The following PTPRD variants were observed in gnomAD, a reference collection of about 807,000 sequenced individuals.
PTPRD encodes the protein protein tyrosine phosphatase receptor type D.
A neutral mutation model predicts 214.5 loss-of-function variants in PTPRD; 34 were observed. That is an observed-to-expected ratio of 0.16 (90% CI 0.12 to 0.21). The LOEUF (loss-of-function observed/expected upper bound fraction) is 0.21, where lower values mean the gene tolerates loss of function less well. PTPRD is among the 10% of genes least tolerant of loss of function. The probability of loss-of-function intolerance (pLI) is 1.00; values close to 1 mark genes in which losing one functional copy is unlikely to be tolerated. For missense variants in PTPRD, 2,545 were observed against 2,398.7 expected (o/e 1.06, Z -1.27); for synonymous variants, 1,128 against 845.7 (o/e 1.33, Z -5.79).
At chr9:9,509,871 G>C (rs565396591) in intron 8 of PTPRD, among the ~76,000 whole-genome samples, 1 of 151,252 alleles carries the variant, frequency 6.6e-6, no homozygotes, top group South Asian at 2.1e-4. Flanking sequence ...TGCCTATTTG[G>C]CCTTAGCTCT....
At chr9:10,486,672 C>G (rs1299371161) in intron 2 of PTPRD, among the ~76,000 whole-genome samples, 1 of 152,090 alleles carries the variant, frequency 6.6e-6, no homozygotes, top group Non-Finnish European at 1.5e-5. Flanking sequence ...GAGAAGATGC[C>G]TGATATTATT....
Position 10,508,473 on chromosome 9 carries a change from G to A in PTPRD, c.-600+103925C>T, listed in dbSNP as rs112633036. 7.3e-4 allele frequency among the ~76,000 whole-genome samples: 111 copies of A among 152,270 alleles called. 1 individual carries two copies. Among genetic ancestry groups the A allele is most frequent in the African/African-American group, 2.4e-3 (98 of 41,558 alleles). Reference sequence around the variant, plus strand: ...ATATACCCAAAGGATTATAAATCATGCTGCTATGAAGACACATGCACACGT... The same window carrying A: ...ATATACCCAAAGGATTATAAATCATACTGCTATGAAGACACATGCACACGT... On this transcript the variant is annotated intron_variant, in intron 2 of 45. Transcript: ENST00000381196.
intron 6 of PTPRD, among the ~76,000 whole-genome samples, chr9:9,763,883 T>G (rs142365372): frequency 5.3e-5 from 8 of 152,322 alleles, no homozygotes; most frequent in Non-Finnish European, 8.8e-5. Context: ...TGAAATATTA[T>G]GCATTCTTGA....
At chr9:10,041,148 A>C (rs1181405343) in intron 3 of PTPRD, among the ~76,000 whole-genome samples, 1 of 152,086 alleles carries the variant, frequency 6.6e-6, no homozygotes, top group Non-Finnish European at 1.5e-5. Context: ...TGCAGTAGTG[A>C]AAGAAAACAG....
In PTPRD at chr9:9,343,723, CT is replaced by C. The variant is rs897829359; in HGVS notation, c.-203+53725del. On this transcript the variant is annotated intron_variant, in intron 9 of 45. Coordinates refer to ENST00000381196, the MANE Select transcript of PTPRD (RefSeq NM_002839.4). ...CGAAAATCACAAACAGGAGGGAACC[CT>C]TTTTTTTTTTGAGGACTTCAGGTCT... 3.6e-3 allele frequency among the ~76,000 whole-genome samples: 519 copies of C among 145,664 alleles called. 2 individuals are homozygous for C. The highest frequency in any genetic ancestry group is 0.014 in the East Asian group (69 of 4,994).
rs530980395 is a variant in PTPRD at position 8,762,266 on chromosome 9, G to A, written c.-103-28320C>T. On this transcript the variant is annotated intron_variant, in intron 11 of 45. Coordinates refer to ENST00000381196, the MANE Select transcript of PTPRD (RefSeq NM_002839.4). Reference sequence around the variant, plus strand: ...AGAGATCAAGTTTGAACATCAAAACGAGATTGACTTTTGGGAATTTGTTTG... The same window carrying A: ...AGAGATCAAGTTTGAACATCAAAACAAGATTGACTTTTGGGAATTTGTTTG... 1.3e-4 allele frequency among the ~76,000 whole-genome samples: 20 copies of A among 152,186 alleles called. No individual in the cohort carries two copies. The East Asian group carries it at 1.4e-3, about 10-fold the overall frequency.
chr9:8,574,657 A>G (rs1211335265), intron 14 of PTPRD, among the ~76,000 whole-genome samples: 2 of 152,152 alleles, frequency 1.3e-5, no homozygotes, highest in African/African-American at 4.8e-5. Flanking sequence ...TTACTTTTAA[A>G]GTTCAAGGCA....
intron 12 of PTPRD, chr9:8,700,543 T>G (rs575994235): frequency 2.0e-5 from 3 of 152,298 alleles, no homozygotes; most frequent in African/African-American, 4.8e-5. Flanking sequence ...GTGAGAAAAA[T>G]AATACGTTGT....
At chr9:9,011,816 G>C (rs1430024582) in intron 11 of PTPRD, among the ~76,000 whole-genome samples, 1 of 152,156 alleles carries the variant, frequency 6.6e-6, no homozygotes, top group Non-Finnish European at 1.5e-5. Context: ...TGGTTCTTTT[G>C]ATGGTATCTG....
intron 4 of PTPRD, among the ~76,000 whole-genome samples, chr9:10,006,060 CA>C (rs1244615430): frequency 6.6e-5 from 10 of 151,896 alleles, no homozygotes; most frequent in African/African-American, 2.4e-4. Context: ...TGGTATTATA[CA>C]AAAAATGAGA....
intron 8 of PTPRD, among the ~76,000 whole-genome samples, chr9:9,562,503 C>T (rs998443514): frequency 6.6e-6 from 1 of 152,128 alleles, no homozygotes; most frequent in Non-Finnish European, 1.5e-5. Context: ...AGTGTTAAAG[C>T]CAAAGCTCTA....
At chr9:9,494,141 T>G (rs771982962) in intron 8 of PTPRD, among the ~76,000 whole-genome samples, 9 of 152,152 alleles carry the variant, frequency 5.9e-5, no homozygotes, top group African/African-American at 9.7e-5. Context: ...ATGATAAAAC[T>G]TGAATACATG....
In PTPRD at chr9:8,365,793, G is replaced by C. The variant is rs771011911; in HGVS notation, c.4661+10143C>G. Reference sequence around the variant, plus strand: ...CCCTTTGATGTCCTCAGAACCCTGAGCCCACTGGACCAGGATGAAAAGCCT... The same window carrying C: ...CCCTTTGATGTCCTCAGAACCCTGACCCCACTGGACCAGGATGAAAAGCCT... On this transcript the variant is annotated intron_variant, in intron 39 of 45. Transcript: ENST00000381196. Among the ~76,000 whole-genome samples the C allele has an allele frequency of 3.7e-4, 57 of 152,150 alleles. 1 individual carries two copies. Among genetic ancestry groups the C allele is most frequent in the Non-Finnish European group, 1.3e-4 (9 of 68,040 alleles).
At chr9:8,796,455 A>T (rs1260913950) in intron 11 of PTPRD, among the ~76,000 whole-genome samples, 1 of 152,180 alleles carries the variant, frequency 6.6e-6, no homozygotes, top group African/African-American at 2.4e-5. Context: ...AGCTCAGAGT[A>T]AGTGAGTATT....
chr9:9,451,296 T>A (rs1215412083), intron 8 of PTPRD, among the ~76,000 whole-genome samples: 1 of 151,740 alleles, frequency 6.6e-6, no homozygotes, highest in Non-Finnish European at 1.5e-5. Flanking sequence ...AACACAAGGC[T>A]ATAGGAAAAC....
In PTPRD at chr9:10,503,887, T is replaced by C. The variant is rs536506215; in HGVS notation, c.-600+108511A>G. ...ATCCCAGCACTTTGGGAGGCCGAGG[T>C]GGGCGGATCATAAGGTCAGGAGATC... On this transcript the variant is annotated intron_variant, in intron 2 of 45. Coordinates refer to ENST00000381196, the MANE Select transcript of PTPRD (RefSeq NM_002839.4). Among the ~76,000 whole-genome samples the C allele has an allele frequency of 1.3e-4, 20 of 151,080 alleles. No homozygotes were observed. The South Asian group carries it at 4.0e-3, about 30-fold the overall frequency.
intron 2 of PTPRD, among the ~76,000 whole-genome samples, chr9:10,454,648 T>C (rs1278797801): frequency 6.6e-6 from 1 of 151,802 alleles, no homozygotes; most frequent in Non-Finnish European, 1.5e-5. Context: ...CATCAGAATG[T>C]GTTCATCCTG....
At chr9:9,966,746 T>G (rs1405152541) in intron 4 of PTPRD, among the ~76,000 whole-genome samples, 1 of 152,100 alleles carries the variant, frequency 6.6e-6, no homozygotes, top group African/African-American at 2.4e-5. Context: ...TAACTGCTCC[T>G]GAGGAATCAA....
intron 8 of PTPRD, among the ~76,000 whole-genome samples, chr9:9,535,463 A>C (rs897736360): frequency 9.3e-4 from 142 of 152,238 alleles, no homozygotes; most frequent in African/African-American, 2.9e-3. Context: ...TGAAAAAACA[A>C]ATGTCCAGTG....
Sources: allele counts gnomAD v4.1 joint callset (sites outside exome capture counted in the v4.1 genomes callset), GRCh38; gene constraint gnomAD v4.1.1; transcripts MANE v1.5; gene names NCBI Gene and HGNC (gene_info 2026-07-23, HGNC 2026-07-21).